The following ZNF469 variants were observed in gnomAD, a reference collection of about 807,000 sequenced individuals.
The protein encoded by ZNF469 is zinc finger protein 469.
In ZNF469, 1 loss-of-function variant was observed where a neutral mutation model predicts 1.0. The observed-to-expected ratio is 1.00, with a 90% CI of 0.35 to 4.73. ZNF469 has a LOEUF of 4.73. ZNF469 is among the 30% of genes most tolerant of loss of function. ZNF469 has a pLI of 0.16. For missense variants in ZNF469, 6,100 were observed against 5,356.3 expected (o/e 1.14, Z -4.33); for synonymous variants, 2,703 against 2,363.4 (o/e 1.14, Z -4.17).
chr16:88,212,548 T>C, the ZNF469 span, among the ~76,000 whole-genome samples: 1 of 152,214 alleles, frequency 6.6e-6, no homozygotes, highest in Non-Finnish European at 1.5e-5. Context: ...TTCTTCTCTT[T>C]CTTTCTTTCC....
chr16:88,432,468 G>A lies in ZNF469; in HGVS notation c.4998G>A (p.Pro1666=), dbSNP rs1199257823. 2.5e-5 allele frequency: 38 copies of A among 1,550,244 alleles called. No individual in the cohort carries two copies. The highest frequency in any genetic ancestry group is 9.6e-5 in the African/African-American group (7 of 73,056). The change falls in exon 3 of 3, where the codon CCG becomes CCA. Residue 1666 remains proline (P), a synonymous_variant. Transcript: ENST00000565624. ...GTWPCPASFH[P]GHAALLPCAQ... is the part of the protein sequence containing the mutation. ...GGCCCTGCCCAGCCTCCTTCCATCC[G>A]GGACATGCAGCCCTTCTCCCCTGTG...
intron 1 of ZNF469, among the ~76,000 whole-genome samples, chr16:88,392,231 G>A (rs1472752412): frequency 1.3e-5 from 2 of 152,266 alleles, no homozygotes; most frequent in East Asian, 1.9e-4. Context: ...CGCTTGTACC[G>A]TGTCTTGATT....
chr16:88,106,602 G>C, the ZNF469 span, among the ~76,000 whole-genome samples: 1 of 152,226 alleles, frequency 6.6e-6, no homozygotes, highest in Non-Finnish European at 1.5e-5. Flanking sequence ...GCTGCACCCG[G>C]AGCAGCCCCC....
chr16:88,429,416 C>G lies in ZNF469; in HGVS notation c.1946C>G (p.Pro649Arg). ...CCCCAGGAGACGGGCAGCCCCTTCC[C>G]GTCCCCGGAGCCCCCCCACTCCCTC... is the stretch of plus-strand genomic sequence containing the variant. The part of the protein sequence containing the change: ...THPQETGSPF[P>R]SPEPPHSLPT... Residue 649 changes from proline (P) to arginine (R), a missense_variant, in exon 3 of 3, where the codon CCG becomes CGG. Coordinates refer to ENST00000565624, the MANE Select transcript of ZNF469 (RefSeq NM_001367624.2). 6.5e-7 allele frequency: 1 copy of G among 1,547,102 alleles called. No homozygotes were observed. Among genetic ancestry groups the G allele is most frequent in the Non-Finnish European group, 8.7e-7 (1 of 1,144,280 alleles).
rs995375449 is a variant in ZNF469, at chr16:88,426,348, G to A, written c.-126-997G>A. Among the ~76,000 whole-genome samples the A allele has an allele frequency of 5.3e-5, 8 of 152,246 alleles. No individual in the cohort carries two copies. In the South Asian group the frequency reaches 6.2e-4, roughly 12 times the overall value. On this transcript the variant is annotated intron_variant, in intron 2 of 2. Coordinates refer to ENST00000565624, the MANE Select transcript of ZNF469 (RefSeq NM_001367624.2). ...TGCCTCACTCTGCTGTGTAAAGGAC[G>A]CCCGGTCCCTGCTGGGCAAGTCAGA...
At chr16:88,270,852 G>C in the ZNF469 span, among the ~76,000 whole-genome samples, 1 of 152,224 alleles carries the variant, frequency 6.6e-6, no homozygotes, top group Non-Finnish European at 1.5e-5. Context: ...AGTGCCGTTG[G>C]CTTGAGCCTC....
the ZNF469 span, among the ~76,000 whole-genome samples, chr16:88,355,450 G>C: frequency 2.0e-5 from 3 of 152,236 alleles, no homozygotes; most frequent in Non-Finnish European, 4.4e-5. Flanking sequence ...CTTCCCGCTG[G>C]ACCCTTACCT....
intron 1 of ZNF469, among the ~76,000 whole-genome samples, chr16:88,411,944 G>A (rs980261579): frequency 2.0e-5 from 3 of 152,290 alleles, no homozygotes; most frequent in Non-Finnish European, 4.4e-5. Flanking sequence ...AAACCCTGAT[G>A]TTCATGGAGC....
the ZNF469 span, among the ~76,000 whole-genome samples, chr16:88,120,187 C>T: frequency 5.9e-5 from 9 of 152,300 alleles, no homozygotes; most frequent in Admixed American, 2.0e-4. Flanking sequence ...AGAACTGCCC[C>T]GTGGTTGCCG....
In ZNF469 at chr16:88,436,034, A is replaced by C. The variant is rs1426359763; in HGVS notation, c.8564A>C (p.Asp2855Ala). ...SAKDPPSLFD[D>A]EVSFSQLFPP... Reference sequence around the variant, plus strand: ...AAGGATCCTCCAAGCTTGTTTGATGATGAGGTCTCTTTCTCCCAGCTCTTC... The same window carrying C: ...AAGGATCCTCCAAGCTTGTTTGATGCTGAGGTCTCTTTCTCCCAGCTCTTC... The change falls in exon 3 of 3, where the codon GAT becomes GCT. Residue 2855 changes from aspartate (D) to alanine (A), a missense_variant. Asp to Ala is a moderately radical substitution (Grantham distance 126). Transcript: ENST00000565624. 1 of 1,550,244 alleles carries C rather than the reference A, an allele frequency of 6.5e-7. No homozygotes were observed. The highest frequency in any genetic ancestry group is 2.0e-5 in the Admixed American group (1 of 51,008).
the ZNF469 span, among the ~76,000 whole-genome samples, chr16:88,176,108 G>T: frequency 1.3e-5 from 2 of 151,824 alleles, no homozygotes; most frequent in Non-Finnish European, 2.9e-5. Context: ...AGGGCTGGGG[G>T]GTCTCAGCCT....
At chr16:88,381,738 G>A (rs143807821), upstream of ZNF469, among the ~76,000 whole-genome samples, 1 of 152,242 alleles carries the variant, frequency 6.6e-6, no homozygotes, top group Non-Finnish European at 1.5e-5. Flanking sequence ...ACGTTTTCGC[G>A]TCCACTGGCA....
the ZNF469 span, among the ~76,000 whole-genome samples, chr16:88,203,897 A>T: frequency 6.6e-6 from 1 of 152,184 alleles, no homozygotes; most frequent in Non-Finnish European, 1.5e-5. Context: ...TAGGACTTGG[A>T]CACAACTCAA....
chr16:88,280,619 G>T, the ZNF469 span, among the ~76,000 whole-genome samples: 1 of 151,916 alleles, frequency 6.6e-6, no homozygotes, highest in South Asian at 2.1e-4. Context: ...CCAACGCTTG[G>T]TCAGTACCAT....
the ZNF469 span, among the ~76,000 whole-genome samples, chr16:88,269,515 A>G: frequency 6.6e-6 from 1 of 151,708 alleles, no homozygotes; most frequent in Non-Finnish European, 1.5e-5. Flanking sequence ...TTTTCTCAAC[A>G]TCTTACTATG....
chr16:88,408,787 G>C (rs958246402), intron 1 of ZNF469, among the ~76,000 whole-genome samples: 1 of 152,244 alleles, frequency 6.6e-6, no homozygotes, highest in Admixed American at 6.5e-5. Flanking sequence ...GGGGCCGCCT[G>C]TGCCCGGCAC....
rs2142297821 is a variant in ZNF469 at position 88,428,124 on chromosome 16, C to T, written c.654C>T (p.Pro218=). The T allele has an allele frequency of 2.6e-6, 4 of 1,550,018 alleles. No individual in the cohort carries two copies. Among genetic ancestry groups the T allele is most frequent in the Non-Finnish European group, 2.6e-6 (3 of 1,146,856 alleles). The change falls in exon 3 of 3, where the codon CCC becomes CCT. Residue 218 remains proline (P), a synonymous_variant. Transcript: ENST00000565624. ...PGPPQSRGTS[P]LQPGSYPEYQ... ...CCCCCCAGAGCAGGGGCACCAGCCC[C>T]CTCCAGCCCGGTTCCTATCCCGAAT...
chr16:88,437,202 C>T lies in ZNF469; in HGVS notation c.9732C>T (p.Ser3244=), dbSNP rs781504847. The change falls in exon 3 of 3, where the codon TCC becomes TCT. Residue 3244 remains serine (S), a synonymous_variant. Transcript: ENST00000565624. ...CCAAACACCACAGGGGCAAGCGCTC[C>T]GCCGGCAAGGCCGCCGGGAGCCCGG... ...PAPKHHRGKR[S]AGKAAGSPGD... is the part of the protein sequence containing the mutation. 15 of 1,549,338 alleles carry T rather than the reference C, an allele frequency of 9.7e-6. No individual in the cohort carries two copies. The Admixed American group carries it at 9.8e-5, about 10-fold the overall frequency.
At chr16:88,263,365 G>T in the ZNF469 span, among the ~76,000 whole-genome samples, 2 of 152,340 alleles carry the variant, frequency 1.3e-5, no homozygotes, top group African/African-American at 2.4e-5. Context: ...GTACGCCGAG[G>T]TGAGTCCTCT....
Sources: gnomAD v4.1 joint callset for allele counts (sites outside exome capture counted in the v4.1 genomes callset) on GRCh38, gnomAD v4.1.1 for gene constraint, MANE v1.5 for transcripts, NCBI Gene and HGNC (gene_info 2026-07-23, HGNC 2026-07-21) for gene names.